Variants in VPS13A observed in about 807,000 individuals in gnomAD.
VPS13A encodes the protein intermembrane lipid transfer protein VPS13A.
A neutral mutation model predicts 390.9 loss-of-function variants in VPS13A; 264 were observed. The observed-to-expected ratio is 0.68, with a 90% CI of 0.61 to 0.75. The LOEUF is 0.75. Ranked by LOEUF, VPS13A falls within the 30% of genes least tolerant of loss-of-function variation. VPS13A has a pLI of 0.00. For synonymous variants in VPS13A, 1,231 were observed against 1,227.1 expected (o/e 1.00, Z -0.07); for missense variants, 3,409 against 3,733.9 (o/e 0.91, Z 2.27).
At chr9:77,212,640 C>T (rs946087867) in intron 7 of VPS13A, among the ~76,000 whole-genome samples, 2 of 152,132 alleles carry the variant, frequency 1.3e-5, no homozygotes, top group African/African-American at 4.8e-5. Context: ...CCAATGATAC[C>T]TGCAAATCTA....
chr9:77,326,080 G>T (rs1012864567), intron 45 of VPS13A, among the ~76,000 whole-genome samples: 2 of 152,040 alleles, frequency 1.3e-5, no homozygotes, highest in East Asian at 1.9e-4. Flanking sequence ...ATGTTGTTCT[G>T]CTGTCTGCTG....
chr9:77,241,799 T>C (rs1824515215), intron 19 of VPS13A, among the ~76,000 whole-genome samples: 1 of 152,184 alleles, frequency 6.6e-6, no homozygotes, highest in African/African-American at 2.4e-5. Context: ...ATTCTTGGGC[T>C]ACATACCTCC....
intron 22 of VPS13A, among the ~76,000 whole-genome samples, chr9:77,259,746 T>G (rs1172433841): frequency 6.6e-6 from 1 of 152,190 alleles, no homozygotes; most frequent in Admixed American, 6.5e-5. Context: ...AAAAATAGGT[T>G]GTCTGCCTCA....
intron 34 of VPS13A, among the ~76,000 whole-genome samples, chr9:77,307,419 C>A (rs758819016): frequency 6.6e-6 from 1 of 152,160 alleles, no homozygotes; most frequent in Non-Finnish European, 1.5e-5. Flanking sequence ...CCACTGCATG[C>A]CAGCCTGGGT....
chr9:77,314,534 G>C lies in VPS13A; in HGVS notation c.4282G>C (p.Ala1428Pro). The change falls in exon 37 of 72, where the codon GCT (alanine) becomes CCT (proline). Residue 1428 changes from alanine to proline, a missense_variant. Transcript: ENST00000360280. ...TGTTCGTGATCCTTCTCTGAAACTT[G>C]CTGAATTTAAATTGGAGAATATTAT... ...TDVRDPSLKL[A>P]EFKLENIIST... The C allele has an allele frequency of 3.7e-6, 6 of 1,612,248 alleles. No individual in the cohort carries two copies. The highest frequency in any genetic ancestry group is 5.1e-6 in the Non-Finnish European group (6 of 1,179,296).
At chr9:77,212,125 A>G (rs548935146) in intron 7 of VPS13A, among the ~76,000 whole-genome samples, 2 of 152,318 alleles carry the variant, frequency 1.3e-5, no homozygotes, top group South Asian at 2.1e-4. Context: ...TCGTCTCCAC[A>G]TAGAAACGAA....
intron 67 of VPS13A, among the ~76,000 whole-genome samples, chr9:77,374,303 T>G (rs2131596278): frequency 6.6e-6 from 1 of 152,250 alleles, no homozygotes; most frequent in East Asian, 1.9e-4. Context: ...AGTAAGATAT[T>G]AACAATAATA....
chr9:77,227,913 C>CT lies in VPS13A; in HGVS notation c.1453-203dup, dbSNP rs138653344. 0.079 allele frequency among the ~76,000 whole-genome samples: 12,031 copies of CT among 151,842 alleles called. 595 individuals are homozygous for CT. The highest frequency in any genetic ancestry group is 0.12 in the East Asian group (607 of 5,180). The stretch of plus-strand genomic sequence containing the variant: ...ATATGTTACTGACTTGTTCTGTGAT[C>CT]TTTTTTCTGGGTCTGTAATTGCATT... On this transcript the variant is annotated intron_variant, in intron 16 of 71. Coordinates refer to ENST00000360280, the MANE Select transcript of VPS13A (RefSeq NM_033305.3).
rs563732635 is a variant in VPS13A at position 77,296,021 on chromosome 9, T to G, written c.3812+175T>G. Among the ~76,000 whole-genome samples, 21 of 152,308 alleles carry G rather than the reference T, an allele frequency of 1.4e-4. No individual in the cohort carries two copies. The South Asian group carries it at 4.1e-3, about 30-fold the overall frequency. Reference sequence around the variant, plus strand: ...GCAAAATCAATTATAGTCTTTGCATTTTAAAAAACCTAGAAAGTGTTTGAA... The same window carrying G: ...GCAAAATCAATTATAGTCTTTGCATGTTAAAAAACCTAGAAAGTGTTTGAA... On this transcript the variant is annotated intron_variant, in intron 33 of 71. Transcript: ENST00000360280.
At chr9:77,399,629 G>A (rs762174493) in intron 68 of VPS13A, among the ~76,000 whole-genome samples, 29 of 152,144 alleles carry the variant, frequency 1.9e-4, no homozygotes, top group Middle Eastern at 3.4e-3. Context: ...TTTAAACTTC[G>A]CCATATGGAA....
intron 71 of VPS13A, among the ~76,000 whole-genome samples, chr9:77,408,808 T>C (rs946467358): frequency 6.6e-6 from 1 of 152,202 alleles, no homozygotes; most frequent in Non-Finnish European, 1.5e-5. Flanking sequence ...AAGCTCGAAC[T>C]GGGTGGAGCC....
chr9:77,213,111 G>A, intron 8 of VPS13A, 83 bp downstream of exon 8: 1 of 1,562,146 alleles, frequency 6.4e-7, no homozygotes, highest in Non-Finnish European at 8.8e-7. Context: ...AAGGATGTAT[G>A]TGAATTTTGC....
intron 45 of VPS13A, among the ~76,000 whole-genome samples, chr9:77,329,956 A>C (rs909506697): frequency 1.3e-5 from 2 of 152,096 alleles, no homozygotes; most frequent in Admixed American, 6.5e-5. Context: ...GTAGTCATAA[A>C]CTTTAGGAAT....
chr9:77,335,827 A>G lies in VPS13A; in HGVS notation c.6096-1428A>G, dbSNP rs191843260. Among the ~76,000 whole-genome samples the G allele has an allele frequency of 5.3e-5, 8 of 152,284 alleles. No individual in the cohort carries two copies. The East Asian group carries it at 1.5e-3, about 29-fold the overall frequency. On this transcript the variant is annotated intron_variant, in intron 46 of 71. Transcript: ENST00000360280. ...TCAAGGATCTAGAACCAGAAATACCATTTGACCCAGCAATCCCATTACTGG... is the reference window on the plus strand; with the variant it reads ...TCAAGGATCTAGAACCAGAAATACCGTTTGACCCAGCAATCCCATTACTGG...
intron 34 of VPS13A, among the ~76,000 whole-genome samples, chr9:77,304,479 T>A (rs759584590): frequency 6.6e-6 from 1 of 152,202 alleles, no homozygotes; most frequent in Non-Finnish European, 1.5e-5. Flanking sequence ...ATAGGCATGG[T>A]GCTGTAGTCA....
chr9:77,413,963 T>G (rs1299827111), intron 71 of VPS13A, among the ~76,000 whole-genome samples: 1 of 152,140 alleles, frequency 6.6e-6, no homozygotes, highest in African/African-American at 2.4e-5. Context: ...AGAAGACATT[T>G]ATGCAGCCAG....
chr9:77,217,789 T>C (rs539677747), intron 10 of VPS13A, among the ~76,000 whole-genome samples: 3 of 151,890 alleles, frequency 2.0e-5, no homozygotes, highest in East Asian at 1.9e-4. Flanking sequence ...TTTTCTTTTT[T>C]TTTTTTGGAT....
At chr9:77,300,702 G>A (rs143686279) in intron 33 of VPS13A, among the ~76,000 whole-genome samples, 132 of 152,242 alleles carry the variant, frequency 8.7e-4, no homozygotes, top group Middle Eastern at 3.4e-3. Context: ...ACTGCATTCC[G>A]GCCTGGATGA....
At chr9:77,262,238 A>G (rs973208532) in intron 23 of VPS13A, among the ~76,000 whole-genome samples, 7 of 150,340 alleles carry the variant, frequency 4.7e-5, no homozygotes, top group Non-Finnish European at 1.0e-4. Flanking sequence ...TACATAGTCA[A>G]TTTTTTTTTC....
Sources: allele counts gnomAD v4.1 joint callset (sites outside exome capture counted in the v4.1 genomes callset), GRCh38; gene constraint gnomAD v4.1.1; transcripts MANE v1.5; gene names NCBI Gene and HGNC (gene_info 2026-07-23, HGNC 2026-07-21).